Variants in ZNF492 observed in about 807,000 individuals in gnomAD.
The protein encoded by ZNF492 is zinc finger protein 492, also known as zinc finger protein 115 (Y20).
A neutral mutation model predicts 6.4 loss-of-function variants in ZNF492; 3 were observed. The observed-to-expected ratio is 0.47, with a 90% CI of 0.21 to 1.22. The LOEUF (loss-of-function observed/expected upper bound fraction) is 1.22. Among genes scored for constraint, ZNF492 ranks in the 50% most tolerant of loss-of-function variants. ZNF492 has a pLI of 0.22. For synonymous variants in ZNF492, 112 were observed against 205.3 expected (o/e 0.55, Z 3.89); for missense variants, 356 against 612.5 (o/e 0.58, Z 4.42).
At chr19:22,644,588 A>G (rs1971859174) in intron 1 of ZNF492, among the ~76,000 whole-genome samples, 1 of 152,170 alleles carries the variant, frequency 6.6e-6, no homozygotes, top group Non-Finnish European at 1.5e-5. Context: ...ATAGTATTCC[A>G]TGGTGTGTAT....
At chr19:22,661,512 C>G (rs191239068) in intron 3 of ZNF492, among the ~76,000 whole-genome samples, 3 of 152,154 alleles carry the variant, frequency 2.0e-5, no homozygotes, top group Admixed American at 2.0e-4. Context: ...GCTAGAGATT[C>G]TGGGAGTCTC....
chr19:22,646,558 A>G (rs1193711885), intron 1 of ZNF492, among the ~76,000 whole-genome samples: 4 of 152,178 alleles, frequency 2.6e-5, no homozygotes, highest in African/African-American at 9.6e-5. Flanking sequence ...ACTATATTCA[A>G]TAGGAATGGT....
At chr19:22,635,458 A>G (rs1971751416) in intron 1 of ZNF492, among the ~76,000 whole-genome samples, 1 of 152,218 alleles carries the variant, frequency 6.6e-6, no homozygotes, top group East Asian at 1.9e-4. Flanking sequence ...ATTTTAATTA[A>G]TCATTTTTTG....
chr19:22,645,911 T>A (rs1488178152), intron 1 of ZNF492, among the ~76,000 whole-genome samples: 2 of 152,244 alleles, frequency 1.3e-5, no homozygotes, highest in Non-Finnish European at 2.9e-5. Context: ...CCATGTTGTT[T>A]TGCTTACTGT....
In ZNF492 at chr19:22,666,052, T is replaced by C. The variant is rs1443112462; in HGVS notation, c.*787T>C. Reference sequence around the variant, plus strand: ...ACTTTTTTTTAGAAAGATTACAGATTTTTTTTAAAAGTAAATAACTCTCAA... The same window carrying C: ...ACTTTTTTTTAGAAAGATTACAGATCTTTTTTAAAAGTAAATAACTCTCAA... On this transcript the variant is annotated 3_prime_UTR_variant, in exon 4 of 4. Coordinates refer to ENST00000456783, the MANE Select transcript of ZNF492 (RefSeq NM_020855.3). 1 of 100,484 alleles carries C rather than the reference T, an allele frequency of 1.0e-5. No homozygotes were observed. Among genetic ancestry groups the C allele is most frequent in the East Asian group, 2.7e-4 (1 of 3,652 alleles). The allele number at this position is 100,484 out of a possible 1,614,324, so 6.2% of individuals were successfully genotyped here.
At chr19:22,650,001 C>A (rs1971923335) in intron 1 of ZNF492, among the ~76,000 whole-genome samples, 1 of 152,138 alleles carries the variant, frequency 6.6e-6, no homozygotes, top group African/African-American at 2.4e-5. Context: ...AGAGGCATTG[C>A]AATCATTTGG....
At chr19:22,659,297 T>C (rs1347133785) in intron 3 of ZNF492, among the ~76,000 whole-genome samples, 1 of 150,000 alleles carries the variant, frequency 6.7e-6, no homozygotes, top group East Asian at 1.9e-4. Context: ...CTTTTTGTAA[T>C]AAGAGGAGGT....
rs1448412335 is a variant in ZNF492 at position 22,665,490 on chromosome 19, CAG to C, written c.*228_*229del. ...TATCTGTGCACATCTTATTCAACAT[CAG>C]AGTTTATATTAATAGCATTAAAAGT... On this transcript the variant is annotated 3_prime_UTR_variant, in exon 4 of 4. Coordinates refer to ENST00000456783, the MANE Select transcript of ZNF492 (RefSeq NM_020855.3). The C allele has an allele frequency of 7.7e-6, 7 of 905,564 alleles. No individual in the cohort carries two copies. Among genetic ancestry groups the C allele is most frequent in the Non-Finnish European group, 1.1e-5 (7 of 640,442 alleles). The allele number at this position is 905,564 out of a possible 1,614,324, so 56.1% of individuals were successfully genotyped here.
chr19:22,646,482 T>G (rs1203744822), intron 1 of ZNF492, among the ~76,000 whole-genome samples: 1 of 152,210 alleles, frequency 6.6e-6, no homozygotes, highest in Non-Finnish European at 1.5e-5. Flanking sequence ...TTTGACTTCC[T>G]CTTACTCTAT....
At chr19:22,635,676 T>G (rs1971753827) in intron 1 of ZNF492, among the ~76,000 whole-genome samples, 1 of 152,242 alleles carries the variant, frequency 6.6e-6, no homozygotes, top group South Asian at 2.1e-4. Flanking sequence ...TGATTTGTGC[T>G]TAGCAACCCT....
At chr19:22,652,883 T>C (rs948375738) in intron 1 of ZNF492, among the ~76,000 whole-genome samples, 5 of 152,102 alleles carry the variant, frequency 3.3e-5, no homozygotes, top group African/African-American at 1.2e-4. Flanking sequence ...CCAGCCCAGA[T>C]TTTCTGAAAA....
chr19:22,647,257 G>GTTTTTTT (rs777750378), intron 1 of ZNF492, among the ~76,000 whole-genome samples: 15 of 140,274 alleles, frequency 1.1e-4, no homozygotes, highest in African/African-American at 4.2e-4. Flanking sequence ...TTTGTTTGTT[G>GTTTTTTT]TTGTTTTTTT....
At chr19:22,655,540 A>G (rs1002043098) in intron 3 of ZNF492, among the ~76,000 whole-genome samples, 2 of 151,718 alleles carry the variant, frequency 1.3e-5, no homozygotes, top group African/African-American at 4.8e-5. Context: ...TTAATTTTCT[A>G]TTTTGCTAAA....
intron 1 of ZNF492, among the ~76,000 whole-genome samples, chr19:22,652,933 A>G (rs1474900963): frequency 1.3e-5 from 2 of 152,166 alleles, no homozygotes; most frequent in East Asian, 3.9e-4. Context: ...TATTGTACAC[A>G]TTAACATGTG....
rs370685508 is a variant in ZNF492 at position 22,658,545 on chromosome 19, TTTTCTG to T, written c.130+4536_130+4541del. 4.6e-4 allele frequency among the ~76,000 whole-genome samples: 65 copies of T among 142,226 alleles called. 3 individuals carry two copies. In the East Asian group the frequency reaches 9.7e-3, roughly 21 times the overall value. The allele number at this position is 142,226 out of a possible 152,430, so 93.3% of individuals were successfully genotyped here. Reference sequence around the variant, plus strand: ...CTGGCACTTTTCAAATACCGTTCTGTTTTCTGTTTCTAAGAGTATAACTGCTTTATA... The same window carrying T: ...CTGGCACTTTTCAAATACCGTTCTGTTTTCTAAGAGTATAACTGCTTTATA... On this transcript the variant is annotated intron_variant, in intron 3 of 3. Coordinates refer to ENST00000456783, the MANE Select transcript of ZNF492 (RefSeq NM_020855.3).
In ZNF492 at chr19:22,653,306, G is replaced by A. The variant is rs1384141152; in HGVS notation, c.-93-1G>A. The A allele has an allele frequency of 5.0e-6, 8 of 1,612,026 alleles. No individual in the cohort carries two copies. The highest frequency in any genetic ancestry group is 1.3e-5 in the African/African-American group (1 of 74,346). On this transcript the variant is annotated splice_acceptor_variant, in intron 1 of 3. Transcript: ENST00000456783. LOFTEE classifies it low-confidence loss of function (5UTR_SPLICE). ...TGTATGTGTGTTTGTATGTTTTTCAGGGAGTGTTGACATTTAGGGATGTGG... is the reference window on the plus strand; with the variant it reads ...TGTATGTGTGTTTGTATGTTTTTCAAGGAGTGTTGACATTTAGGGATGTGG...
chr19:22,636,906 T>A (rs1038605342), intron 1 of ZNF492, among the ~76,000 whole-genome samples: 1 of 150,972 alleles, frequency 6.6e-6, no homozygotes, highest in Non-Finnish European at 1.5e-5. Flanking sequence ...AGTGCTGGGA[T>A]TACAGGTGTG....
intron 3 of ZNF492, among the ~76,000 whole-genome samples, chr19:22,655,694 T>TTTTTTTTA (rs1971987551): frequency 7.0e-6 from 1 of 143,708 alleles, no homozygotes; most frequent in African/African-American, 2.7e-5. Context: ...TTTTTTTTTT[T>TTTTTTTTA]ACTTATTCCA....
At chr19:22,638,614 A>T (rs1971791538) in intron 1 of ZNF492, among the ~76,000 whole-genome samples, 2 of 152,124 alleles carry the variant, frequency 1.3e-5, no homozygotes, top group Admixed American at 1.3e-4. Flanking sequence ...TGTTTACTGT[A>T]GCCCTGTAGT....
Sources: gnomAD v4.1 joint callset for allele counts (sites outside exome capture counted in the v4.1 genomes callset) on GRCh38, gnomAD v4.1.1 for gene constraint, MANE v1.5 for transcripts, NCBI Gene and HGNC (gene_info 2026-07-23, HGNC 2026-07-21) for gene names.